Variants in DISP3 observed in about 807,000 individuals in gnomAD.
DISP3 encodes the protein protein dispatched homolog 3.
In DISP3, 101 loss-of-function variants were observed where a neutral mutation model predicts 135.3. The observed-to-expected ratio is 0.75, with a 90% CI of 0.64 to 0.88. The LOEUF (loss-of-function observed/expected upper bound fraction) is 0.88, where lower values mean the gene tolerates loss of function less well. DISP3 is among the 40% of genes least tolerant of loss of function. The pLI is 0.00. For synonymous variants in DISP3, 856 were observed against 817.0 expected (o/e 1.05, Z -0.81); for missense variants, 1,713 against 1,878.6 (o/e 0.91, Z 1.63).
Position 11,501,234 on chromosome 1 carries a change from G to T in DISP3, c.242G>T (p.Gly81Val), listed in dbSNP as rs768608027. 1.2e-5 allele frequency: 19 copies of T among 1,614,006 alleles called. No homozygotes were observed. The highest frequency in any genetic ancestry group is 1.5e-5 in the Non-Finnish European group (18 of 1,180,040). ...PCCAGLVLFL[G>V]CSIPMALSAF... is the part of the protein sequence containing the mutation. ...TGTGCTGGGCTGGTGCTCTTCCTGG[G>T]CTGCAGCATCCCCATGGCCCTGTCA... The change falls in exon 2 of 21, where the codon GGC becomes GTC. Residue 81 changes from glycine (G) to valine (V), a missense_variant. Around this residue, in one of 2 missense-constraint regions of DISP3, gnomAD observed 571 missense variants for 494.1 expected, o/e 1.16. Coordinates refer to ENST00000294484, the MANE Select transcript of DISP3 (RefSeq NM_020780.2). This position sits in a 1 kb window ranked among gnomAD's most constrained non-coding sequence, Gnocchi z 4.9.
chr1:11,535,172 C>T, intron 19 of DISP3, 48 bp downstream of exon 19: 1 of 1,517,618 alleles, frequency 6.6e-7, no homozygotes, highest in African/African-American at 1.4e-5. Flanking sequence ...GGGACGGGAA[C>T]AGACAGTCTC....
intron 1 of DISP3, among the ~76,000 whole-genome samples, chr1:11,479,879 T>C (rs969273803): frequency 6.6e-6 from 1 of 152,060 alleles, no homozygotes; most frequent in Non-Finnish European, 1.5e-5. Context: ...ATTTCCCCGA[T>C]TAACCTGGCT....
chr1:11,487,869 A>G (rs973860634), intron 1 of DISP3, among the ~76,000 whole-genome samples: 12 of 152,344 alleles, frequency 7.9e-5, no homozygotes, highest in African/African-American at 2.6e-4. Flanking sequence ...CAAGGACCCT[A>G]TAACACTTTT....
At chr1:11,485,823 A>C (rs116221972) in intron 1 of DISP3, among the ~76,000 whole-genome samples, 4,788 of 152,256 alleles carry the variant, frequency 0.031, 229 homozygotes, top group African/African-American at 0.11. Flanking sequence ...AGGATGAGAA[A>C]TGTGAAGTGC....
In DISP3 at chr1:11,531,664, G is replaced by T; in HGVS notation, c.3329G>T (p.Gly1110Val). The T allele has an allele frequency of 6.2e-7, 1 of 1,612,620 alleles. No individual in the cohort carries two copies. Among genetic ancestry groups the T allele is most frequent in the Non-Finnish European group, 8.5e-7 (1 of 1,179,538 alleles). The change falls in exon 17 of 21, where the codon GGC becomes GTC. Residue 1110 changes from glycine to valine, a missense_variant. By Grantham distance (109) the Gly-to-Val change is moderately radical. Around this residue, in one of 2 missense-constraint regions of DISP3, gnomAD observed 1,142 missense variants for 1,384.6 expected, o/e 0.82. Transcript: ENST00000294484. The surrounding 1 kb of genome is among the most constrained non-coding windows in gnomAD (Gnocchi z 5.2). ...GGGCAGCTGTCCCACGGGGCAGTGG[G>T]CGTCAGGGAGGGCCGCGTGCAGTGG... ...LPGQLSHGAV[G>V]VREGRVQWIS...
At chr1:11,526,134 C>T (rs907802591) in intron 12 of DISP3, among the ~76,000 whole-genome samples, 3 of 152,216 alleles carry the variant, frequency 2.0e-5, no homozygotes, top group Non-Finnish European at 2.9e-5. Context: ...GTCTCTGAGG[C>T]TTTTCCTGCC....
At chr1:11,528,428 C>T (rs996200309) in intron 13 of DISP3, among the ~76,000 whole-genome samples, 5 of 152,184 alleles carry the variant, frequency 3.3e-5, no homozygotes, top group Non-Finnish European at 7.3e-5. Context: ...CTCTCTCTGC[C>T]GTTCACTGAT....
rs184682642 is a variant in DISP3 at position 11,536,572 on chromosome 1, C to T, written c.4065C>T (p.Ser1355=). The part of the protein sequence containing the change: ...APSSFTRTRT[S]FLKALGAVLL... ...GCTCTTTCACTCGGACCCGGACTTC[C>T]TTCCTCAAGGCCCTGGGTGCCGTGC... The change falls in exon 21 of 21, where the codon TCC becomes TCT. Residue 1355 remains serine (S), a synonymous_variant. Coordinates refer to ENST00000294484, the MANE Select transcript of DISP3 (RefSeq NM_020780.2). This position sits in a 1 kb window ranked among gnomAD's most constrained non-coding sequence, Gnocchi z 4.3. 724 of 1,612,420 alleles carry T rather than the reference C, an allele frequency of 4.5e-4. 3 individuals carry two copies. The African/African-American group carries it at 8.7e-3, about 19-fold the overall frequency.
Position 11,519,036 on chromosome 1 carries a change from AC to A in DISP3, c.1890-318del, listed in dbSNP as rs1553155482. Among the ~76,000 whole-genome samples the A allele has an allele frequency of 3.3e-5, 5 of 152,108 alleles. No homozygotes were observed. Among genetic ancestry groups the A allele is most frequent in the Non-Finnish European group, 5.9e-5 (4 of 68,012 alleles). On this transcript the variant is annotated intron_variant, in intron 7 of 20. Coordinates refer to ENST00000294484, the MANE Select transcript of DISP3 (RefSeq NM_020780.2). This position sits in a 1 kb window ranked among gnomAD's most constrained non-coding sequence, Gnocchi z 4.3. Reference sequence around the variant, plus strand: ...AAGTTGGAGGCAGAGCCCCTGGGCCACACAGCAGCAGAGGAATGAGTCCCCT... The same window carrying A: ...AAGTTGGAGGCAGAGCCCCTGGGCCAACAGCAGCAGAGGAATGAGTCCCCT...
intron 3 of DISP3, among the ~76,000 whole-genome samples, chr1:11,505,597 ACT>A (rs1392254175): frequency 6.6e-6 from 1 of 152,140 alleles, no homozygotes; most frequent in Non-Finnish European, 1.5e-5. Flanking sequence ...TCTTAAAATT[ACT>A]CTGTTATTGG....
intron 3 of DISP3, among the ~76,000 whole-genome samples, chr1:11,503,476 A>T (rs1641611620): frequency 6.6e-6 from 1 of 152,176 alleles, no homozygotes; most frequent in African/African-American, 2.4e-5. Flanking sequence ...AGGCCTGGGA[A>T]CCCCAGGGAC....
intron 1 of DISP3, among the ~76,000 whole-genome samples, chr1:11,492,756 G>A (rs148272378): frequency 1.1e-4 from 16 of 152,342 alleles, no homozygotes; most frequent in African/African-American, 3.6e-4. Context: ...CCTGGGGCTG[G>A]GGCAGGAGAT....
At chr1:11,480,235 C>G (rs578021701) in intron 1 of DISP3, among the ~76,000 whole-genome samples, 1 of 152,316 alleles carries the variant, frequency 6.6e-6, no homozygotes, top group East Asian at 1.9e-4. Context: ...GCGCGCAGGT[C>G]TCCGTCAGCC....
In DISP3 at chr1:11,535,096, C is replaced by T. The variant is rs1642670948; in HGVS notation, c.3621C>T (p.Leu1207=). The T allele has an allele frequency of 6.2e-7, 1 of 1,608,838 alleles. No homozygotes were observed. The highest frequency in any genetic ancestry group is 8.5e-7 in the Non-Finnish European group (1 of 1,178,482). ...CCGTGTTCACCACCCACATCCTGCT[C>T]CTGCTGCCCGTGCTCCTCAGCATCT... ...AVAVFTTHIL[L]LLPVLLSILG... The change falls in exon 19 of 21, where the codon CTC becomes CTT. Residue 1207 remains leucine (L), a synonymous_variant. Coordinates refer to ENST00000294484, the MANE Select transcript of DISP3 (RefSeq NM_020780.2).
intron 13 of DISP3, 30 bp downstream of exon 13, chr1:11,526,865 C>G (rs1458948110): frequency 6.3e-7 from 1 of 1,583,304 alleles, no homozygotes; most frequent in Admixed American, 1.7e-5. Context: ...AAGCCGGTGC[C>G]CATCAGCCCG....
At position 11,531,847 on chromosome 1, in the gene DISP3, T is replaced by C. The variant is rs1642584700; in HGVS notation, c.3375+137T>C. On this transcript the variant is annotated intron_variant, in intron 17 of 20. Transcript: ENST00000294484. This position sits in a 1 kb window ranked among gnomAD's most constrained non-coding sequence, Gnocchi z 5.2. Reference sequence around the variant, plus strand: ...GTGGAGTGACTTGCCTGAGGTCACATAGTTAGTGGGTGTCAGTGTCGAGTG... The same window carrying C: ...GTGGAGTGACTTGCCTGAGGTCACACAGTTAGTGGGTGTCAGTGTCGAGTG... 1 of 1,251,032 alleles carries C rather than the reference T, an allele frequency of 8.0e-7. No homozygotes were observed. Among genetic ancestry groups the C allele is most frequent in the Non-Finnish European group, 1.1e-6 (1 of 933,038 alleles). 77.5% of individuals were successfully genotyped at this position (1,251,032 alleles called of 1,614,324 possible).
At chr1:11,489,013 A>G (rs1641112965) in intron 1 of DISP3, among the ~76,000 whole-genome samples, 1 of 152,200 alleles carries the variant, frequency 6.6e-6, no homozygotes, top group South Asian at 2.1e-4. Context: ...TCAGGAACAC[A>G]AGGGCAGCCT....
intron 1 of DISP3, among the ~76,000 whole-genome samples, chr1:11,494,200 A>C (rs767588609): frequency 2.0e-5 from 3 of 152,266 alleles, no homozygotes; most frequent in Non-Finnish European, 2.9e-5. Flanking sequence ...GTGAATGCTC[A>C]TAATGCCTTC....
intron 3 of DISP3, among the ~76,000 whole-genome samples, chr1:11,513,599 A>G (rs895647834): frequency 4.0e-5 from 6 of 151,468 alleles, no homozygotes; most frequent in Non-Finnish European, 8.8e-5. Flanking sequence ...TATGATGTGC[A>G]TTGCAGTTTT....
Sources: allele counts gnomAD v4.1 joint callset (sites outside exome capture counted in the v4.1 genomes callset), GRCh38; gene constraint gnomAD v4.1.1; regional missense constraint gnomAD v4.1.1; non-coding constraint Gnocchi (gnomAD v3.1); transcripts MANE v1.5; gene names NCBI Gene and HGNC (gene_info 2026-07-23, HGNC 2026-07-21).